MX2: variants seen among roughly 807,000 people sequenced by gnomAD.
MX2 encodes MX dynamin like GTPase 2.
MX2 carries 51 observed loss-of-function variants against 74.0 expected under a neutral mutation model. The ratio of observed to expected loss-of-function variants is 0.69; its 90% CI spans 0.55 to 0.87. MX2 has a LOEUF of 0.87. Among genes scored for constraint, MX2 ranks in the 40% least tolerant of loss-of-function variants. The pLI, the probability that MX2 is intolerant of heterozygous loss-of-function variation, is 0.00. For missense variants in MX2, 832 were observed against 908.7 expected, an observed-to-expected ratio of 0.92 and a Z score of 1.09; for synonymous variants, 369 against 339.3, an observed-to-expected ratio of 1.09 and a Z score of -0.96.
At position 41,392,173 on chromosome 21, in the gene MX2, A is replaced by G. The variant is rs78815578; in HGVS notation, c.871+1470A>G. On this transcript the variant is annotated intron_variant, in intron 6 of 13. Transcript: ENST00000330714. Reference sequence around the variant, plus strand: ...ATTTTCTATGCATTCTAGGTCAAGTATAGAAATAGAGAAAAGTGTGCTAGG... The same window carrying G: ...ATTTTCTATGCATTCTAGGTCAAGTGTAGAAATAGAGAAAAGTGTGCTAGG... 4.2e-3 allele frequency among the ~76,000 whole-genome samples: 636 copies of G among 152,320 alleles called. 4 individuals carry two copies. Among genetic ancestry groups the G allele is most frequent in the African/African-American group, 0.015 (618 of 41,550 alleles).
chr21:41,372,666 A>G (rs1404209828), intron 1 of MX2, among the ~76,000 whole-genome samples: 1 of 152,154 alleles, frequency 6.6e-6, no homozygotes, highest in Admixed American at 6.5e-5. Context: ...TCCCTTACTC[A>G]TTTTTGATGT....
chr21:41,392,166 G>A (rs1301564474), intron 6 of MX2, among the ~76,000 whole-genome samples: 1 of 152,136 alleles, frequency 6.6e-6, no homozygotes, highest in East Asian at 1.9e-4. Context: ...TGCATTCTAG[G>A]TCAAGTATAG....
chr21:41,407,351 A>G (rs887891341), intron 13 of MX2, among the ~76,000 whole-genome samples: 11 of 152,216 alleles, frequency 7.2e-5, no homozygotes. Flanking sequence ...GATTGTGACT[A>G]TAAACTAGCT....
chr21:41,405,420 A>G (rs1034976278), intron 12 of MX2, among the ~76,000 whole-genome samples: 1 of 152,004 alleles, frequency 6.6e-6, no homozygotes, highest in Non-Finnish European at 1.5e-5. Flanking sequence ...GTGTGTCGGC[A>G]TGGTCAGGTG....
chr21:41,389,129 T>A (rs1171109183), intron 5 of MX2, among the ~76,000 whole-genome samples: 2 of 151,804 alleles, frequency 1.3e-5, no homozygotes, highest in Non-Finnish European at 2.9e-5. Flanking sequence ...TAAAGGACGA[T>A]CAACGTTAAA....
chr21:41,400,175 A>G (rs565713926), intron 10 of MX2, among the ~76,000 whole-genome samples: 3 of 152,290 alleles, frequency 2.0e-5, no homozygotes, highest in Non-Finnish European at 4.4e-5. Flanking sequence ...TTTTGGTGGC[A>G]TTGAGACAGA....
chr21:41,369,056 G>A (rs904808823), intron 1 of MX2, among the ~76,000 whole-genome samples: 2 of 152,222 alleles, frequency 1.3e-5, no homozygotes, highest in Middle Eastern at 3.2e-3. Flanking sequence ...AACTTTAGAT[G>A]GACTCATCTC....
chr21:41,395,969 A>G (rs1188795952), intron 7 of MX2, among the ~76,000 whole-genome samples, 184 bp downstream of exon 7: 1 of 152,214 alleles, frequency 6.6e-6, no homozygotes, highest in Non-Finnish European at 1.5e-5. Flanking sequence ...TTAGATTCCA[A>G]TGATGGTGCT....
Position 41,406,925 on chromosome 21 carries a change from C to G in MX2, c.1832C>G (p.Ser611Cys), listed in dbSNP as rs2089894260. The change falls in exon 13 of 14, where the codon TCT becomes TGT. Residue 611 changes from serine (S) to cysteine (C), a missense_variant. By Grantham distance (112) the Ser-to-Cys change is moderately radical. Transcript: ENST00000330714. ...CCTTCACAGAATATGAAGTTGAACT[C>G]TCATTTTCCCAGTAATGAGTCTTCG... ...GTPSQNMKLN[S>C]HFPSNESSVS... 2 of 1,614,034 alleles carry G rather than the reference C, an allele frequency of 1.2e-6. No individual in the cohort carries two copies. The highest frequency in any genetic ancestry group is 1.7e-5 in the Admixed American group (1 of 60,002).
At position 41,362,070 on chromosome 21, in the gene MX2, G is replaced by C. The variant is rs765203011; in HGVS notation, c.-72+15G>C. On this transcript the variant is annotated intron_variant, in intron 1 of 13. Transcript: ENST00000330714. ...AACGTGCAGCGGTAAGAGCGGGGCCGGTGCAGGGAGGGCTGCTTTGTGTCT... is the reference window on the plus strand; with the variant it reads ...AACGTGCAGCGGTAAGAGCGGGGCCCGTGCAGGGAGGGCTGCTTTGTGTCT... 1.3e-5 allele frequency: 2 copies of C among 152,278 alleles called. No individual in the cohort carries two copies. The highest frequency in any genetic ancestry group is 4.8e-5 in the African/African-American group (2 of 41,446). The allele number at this position is 152,278 out of a possible 1,614,324, so 9.4% of individuals were successfully genotyped here.
chr21:41,381,684 C>CAAAAAAAAAAAAAAAAAA lies in MX2; in HGVS notation c.578-720_578-703dup, dbSNP rs57350601. ...TGGGCGACAGAGCGAGACTCTGTCT[C>CAAAAAAAAAAAAAAAAAA]AAAAAAAAAAAAAAAAAAAAAAAGA... On this transcript the variant is annotated intron_variant, in intron 4 of 13. Transcript: ENST00000330714. 4.6e-4 allele frequency among the ~76,000 whole-genome samples: 27 copies of CAAAAAAAAAAAAAAAAAA among 58,450 alleles called. 1 individual carries two copies. The highest frequency in any genetic ancestry group is 1.5e-3 in the African/African-American group (27 of 17,526). 38.3% of individuals were successfully genotyped at this position (58,450 alleles called of 152,430 possible). A position where few individuals can be genotyped will look rare whatever the true frequency, so the allele number is the denominator to read the frequency against.
In MX2 at chr21:41,368,009, C is replaced by T. The variant is rs1226227254; in HGVS notation, c.-72+5954C>T. 1.3e-5 allele frequency among the ~76,000 whole-genome samples: 2 copies of T among 152,146 alleles called. No individual in the cohort carries two copies. Among genetic ancestry groups the T allele is most frequent in the East Asian group, 3.9e-4 (2 of 5,194 alleles). On this transcript the variant is annotated intron_variant, in intron 1 of 13. Coordinates refer to ENST00000330714, the MANE Select transcript of MX2 (RefSeq NM_002463.2). The surrounding 1 kb of genome is among the most constrained non-coding windows in gnomAD (Gnocchi z 4.6). The stretch of plus-strand genomic sequence containing the variant: ...AGCTGTCTTCTTGGTTTTTCAGTTC[C>T]CCTCTCTCAAGACCTGCACTTTCTC...
Position 41,408,381 on chromosome 21 carries a change from C to T in MX2, c.*148C>T. The stretch of plus-strand genomic sequence containing the variant: ...TGTACTCCCTCAGCATCAGAGCATG[C>T]ATCAGGGGTCCACACAGGCTCAGCT... On this transcript the variant is annotated 3_prime_UTR_variant, in exon 14 of 14. Coordinates refer to ENST00000330714, the MANE Select transcript of MX2 (RefSeq NM_002463.2). 1 of 1,094,330 alleles carries T rather than the reference C, an allele frequency of 9.1e-7. No homozygotes were observed. Among genetic ancestry groups the T allele is most frequent in the Non-Finnish European group, 1.3e-6 (1 of 782,402 alleles). The allele number at this position is 1,094,330 out of a possible 1,614,324, so 67.8% of individuals were successfully genotyped here. A position where few individuals can be genotyped will look rare whatever the true frequency, so the allele number is the denominator to read the frequency against.
intron 12 of MX2, among the ~76,000 whole-genome samples, chr21:41,405,897 G>T (rs1428239663): frequency 4.0e-5 from 6 of 151,192 alleles, no homozygotes; most frequent in Admixed American, 1.3e-4. Flanking sequence ...TGAGATGGGG[G>T]TTCGTCATGT....
intron 5 of MX2, among the ~76,000 whole-genome samples, chr21:41,389,327 C>A (rs2089624825): frequency 6.6e-6 from 1 of 151,934 alleles, no homozygotes. Context: ...CCAACCTGGG[C>A]AAGGTAGCAA....
At chr21:41,392,402 T>C (rs540098419) in intron 6 of MX2, among the ~76,000 whole-genome samples, 1 of 152,346 alleles carries the variant, frequency 6.6e-6, no homozygotes, top group East Asian at 1.9e-4. Context: ...CTAAGTGAAA[T>C]TCCAGTAAGA....
Position 41,377,163 on chromosome 21 carries a change from C to A in MX2, c.249+8C>A. On this transcript the variant is annotated splice_region_variant and intron_variant, in intron 2 of 13. Coordinates refer to ENST00000330714, the MANE Select transcript of MX2 (RefSeq NM_002463.2). The stretch of plus-strand genomic sequence containing the variant: ...AGCCAACCAAGGGCAATGGTAAGCC[C>A]GGTGGAGGGACGTTCAGAAAGGGTG... 6.2e-7 allele frequency: 1 copy of A among 1,613,446 alleles called. No homozygotes were observed. The highest frequency in any genetic ancestry group is 1.1e-5 in the South Asian group (1 of 91,042).
At chr21:41,398,323 T>A (rs2089762733) in intron 8 of MX2, among the ~76,000 whole-genome samples, 1 of 152,136 alleles carries the variant, frequency 6.6e-6, no homozygotes, top group African/African-American at 2.4e-5. Context: ...AAAAAAAATT[T>A]CTTCTAGCCT....
chr21:41,383,004 G>A (rs2089518873), intron 5 of MX2, among the ~76,000 whole-genome samples: 1 of 152,216 alleles, frequency 6.6e-6, no homozygotes, highest in Non-Finnish European at 1.5e-5. Context: ...AGGGCGACCG[G>A]GCAATAAGGA....
Sources: gnomAD v4.1 joint callset for allele counts (sites outside exome capture counted in the v4.1 genomes callset) on GRCh38, gnomAD v4.1.1 for gene constraint, Gnocchi (gnomAD v3.1) non-coding constraint, MANE v1.5 for transcripts, NCBI Gene and HGNC (gene_info 2026-07-23, HGNC 2026-07-21) for gene names.